WDFY3: variants seen among roughly 807,000 people sequenced by gnomAD.
WDFY3 encodes the protein WD repeat and FYVE domain-containing protein 3.
WDFY3 carries 66 observed loss-of-function variants against 409.6 expected under a neutral mutation model. The observed-to-expected ratio is 0.16, with a 90% confidence interval of 0.13 to 0.20. The LOEUF is 0.20. WDFY3 is among the 10% of genes least tolerant of loss of function. The pLI is 1.00. For synonymous variants in WDFY3, 1,521 were observed against 1,537.1 expected, an observed-to-expected ratio of 0.99 and a Z score of 0.25; for missense variants, 3,031 against 4,298.1, an observed-to-expected ratio of 0.71 and a Z score of 8.24.
Position 84,721,571 on chromosome 4 carries a change from A to C in WDFY3, c.7443T>G (p.Gly2481=), listed in dbSNP as rs201937474. The change falls in exon 47 of 68, where the codon GGT becomes GGG. Residue 2481 remains glycine, a splice_region_variant and synonymous_variant. Coordinates refer to ENST00000295888, the MANE Select transcript of WDFY3 (RefSeq NM_014991.6). Reference sequence around the variant, plus strand: ...AGCGTTTTAGAGGAGGCTTGACCAAACCTACAGTATAATAACCAAGAGGGC... The same window carrying C: ...AGCGTTTTAGAGGAGGCTTGACCAACCCTACAGTATAATAACCAAGAGGGC... ...HGEDTIAKVK[G]LVKPPLKRSR... 1 of 1,603,994 alleles carries C rather than the reference A, an allele frequency of 6.2e-7. No individual in the cohort carries two copies. Among genetic ancestry groups the C allele is most frequent in the Non-Finnish European group, 8.5e-7 (1 of 1,179,908 alleles).
chr4:84,910,032 CTG>C, intron 2 of WDFY3, among the ~76,000 whole-genome samples: 2 of 152,330 alleles, frequency 1.3e-5, no homozygotes, highest in Non-Finnish European at 2.9e-5. Flanking sequence ...GGGTTCCACA[CTG>C]TGGATTCAGC....
In WDFY3 at chr4:84,671,965, C is replaced by T. The variant is rs1725497888; in HGVS notation, c.*903G>A. ...TCCATTAGTTGAGACAGGGCTGTTT[C>T]CTGCACTACACTGGTCATCTGACCA... is the stretch of plus-strand genomic sequence containing the variant. On this transcript the variant is annotated 3_prime_UTR_variant, in exon 68 of 68. Coordinates refer to ENST00000295888, the MANE Select transcript of WDFY3 (RefSeq NM_014991.6). 1 of 152,158 alleles carries T rather than the reference C, an allele frequency of 6.6e-6. No homozygotes were observed. The highest frequency in any genetic ancestry group is 2.4e-5 in the African/African-American group (1 of 41,446). The allele number at this position is 152,158 out of a possible 1,614,324, so 9.4% of individuals were successfully genotyped here. A position where few individuals can be genotyped will look rare whatever the true frequency, so the allele number is the denominator to read the frequency against.
At chr4:84,846,941 A>C (rs542716467) in intron 5 of WDFY3, among the ~76,000 whole-genome samples, 2 of 151,984 alleles carry the variant, frequency 1.3e-5, no homozygotes, top group Non-Finnish European at 2.9e-5. Flanking sequence ...AAGCAACTAC[A>C]CAGAGAAGGA....
chr4:84,899,370 G>A (rs922824265), intron 2 of WDFY3, among the ~76,000 whole-genome samples: 4 of 152,126 alleles, frequency 2.6e-5, no homozygotes, highest in Non-Finnish European at 4.4e-5. Flanking sequence ...GAACTATAAC[G>A]TCTGAGTTCA....
intron 1 of WDFY3, among the ~76,000 whole-genome samples, chr4:84,934,312 T>C (rs956869635): frequency 6.6e-6 from 1 of 152,182 alleles, no homozygotes; most frequent in Admixed American, 6.6e-5. Flanking sequence ...GTTTGCCATA[T>C]GTATGTCTTC....
chr4:84,906,467 C>A (rs574195596), intron 2 of WDFY3, among the ~76,000 whole-genome samples: 75 of 152,166 alleles, frequency 4.9e-4, no homozygotes, highest in African/African-American at 1.7e-3. Context: ...TGCAAAATGA[C>A]TATAGCCTCA....
chr4:84,789,686 C>T, intron 22 of WDFY3, 40 bp downstream of exon 22: 4 of 1,573,452 alleles, frequency 2.5e-6, no homozygotes, highest in East Asian at 2.3e-5. Context: ...AAACTACTAC[C>T]TTATAAAACA....
At chr4:84,781,223 T>TA (rs113154819) in intron 25 of WDFY3, among the ~76,000 whole-genome samples, 54 of 145,420 alleles carry the variant, frequency 3.7e-4, no homozygotes, top group Admixed American at 1.0e-3. Context: ...GTGTGCCAAT[T>TA]AAAAAAAAAA....
intron 7 of WDFY3, among the ~76,000 whole-genome samples, chr4:84,836,288 A>T (rs1022190885): frequency 2.0e-5 from 3 of 152,152 alleles, no homozygotes; most frequent in African/African-American, 7.2e-5. Flanking sequence ...TTGTTTTTTT[A>T]ATACTGTATT....
At chr4:84,808,091 G>T (rs1449666538) in intron 15 of WDFY3, among the ~76,000 whole-genome samples, 6 of 151,976 alleles carry the variant, frequency 3.9e-5, no homozygotes, top group Non-Finnish European at 1.5e-5. Context: ...TATGAAAACA[G>T]TTGGATGACA....
rs146078236 is a variant in WDFY3, at chr4:84,705,039, T to C, written c.8335+355A>G. Among the ~76,000 whole-genome samples, 66 of 152,226 alleles carry C rather than the reference T, an allele frequency of 4.3e-4. 1 individual carries two copies. The East Asian group carries it at 9.7e-3, about 22-fold the overall frequency. On this transcript the variant is annotated intron_variant, in intron 54 of 67. Coordinates refer to ENST00000295888, the MANE Select transcript of WDFY3 (RefSeq NM_014991.6). Reference sequence around the variant, plus strand: ...TTTTAAATGCAAAAGGGTTCCAAAATTGCCTCAATAAAATTAAAGAGAGAC... The same window carrying C: ...TTTTAAATGCAAAAGGGTTCCAAAACTGCCTCAATAAAATTAAAGAGAGAC...
intron 32 of WDFY3, among the ~76,000 whole-genome samples, chr4:84,761,044 T>C (rs988404716): frequency 7.2e-5 from 11 of 152,146 alleles, no homozygotes; most frequent in African/African-American, 2.7e-4. Flanking sequence ...TGTTTATTTC[T>C]GCCTTCATTT....
chr4:84,758,968 A>T (rs1741971311), intron 32 of WDFY3, among the ~76,000 whole-genome samples: 2 of 152,238 alleles, frequency 1.3e-5, no homozygotes, highest in African/African-American at 4.8e-5. Flanking sequence ...TCCATCTTGA[A>T]TTGATTTTTG....
intron 5 of WDFY3, chr4:84,844,390 G>C: frequency 7.9e-7 from 1 of 1,262,638 alleles, no homozygotes; most frequent in Non-Finnish European, 1.0e-6. Context: ...AACAATATTA[G>C]AACTCACAGC....
intron 42 of WDFY3, 77 bp from the exon 43 acceptor site, chr4:84,735,197 T>TTAATTTCAA: frequency 7.7e-7 from 1 of 1,303,382 alleles, no homozygotes; most frequent in Non-Finnish European, 1.1e-6. Context: ...TTGAAATTAA[T>TTAATTTCAA]GCTAAATAAT....
At chr4:84,698,131 G>C (rs1379474022) in intron 56 of WDFY3, among the ~76,000 whole-genome samples, 2 of 152,050 alleles carry the variant, frequency 1.3e-5, no homozygotes, top group South Asian at 4.1e-4. Flanking sequence ...AAGGCTACTT[G>C]AGATAGAAAT....
At chr4:84,678,445 T>A (rs1311429565) in intron 65 of WDFY3, among the ~76,000 whole-genome samples, 166 bp from the exon 66 acceptor site, 2 of 152,192 alleles carry the variant, frequency 1.3e-5, no homozygotes, top group Admixed American at 6.5e-5. Flanking sequence ...TAAAGCTACC[T>A]AGCTTGACAT....
At chr4:84,903,017 A>T (rs1203476361) in intron 2 of WDFY3, among the ~76,000 whole-genome samples, 1 of 152,216 alleles carries the variant, frequency 6.6e-6, no homozygotes, top group Non-Finnish European at 1.5e-5. Flanking sequence ...TTGTTGAATG[A>T]AGGAAAGTCA....
intron 3 of WDFY3, among the ~76,000 whole-genome samples, chr4:84,882,315 C>A (rs1016736672): frequency 5.9e-5 from 9 of 152,146 alleles, no homozygotes; most frequent in African/African-American, 1.9e-4. Context: ...AGCTCCACCA[C>A]CACTCCTTGA....
Sources: allele counts gnomAD v4.1 joint callset (sites outside exome capture counted in the v4.1 genomes callset), GRCh38; gene constraint gnomAD v4.1.1; transcripts MANE v1.5; gene names NCBI Gene and HGNC (gene_info 2026-07-23, HGNC 2026-07-21).